The following GPHN variants were observed in gnomAD, a reference collection of about 807,000 sequenced individuals.
GPHN encodes gephyrin.
GPHN carries 17 observed loss-of-function variants against 95.5 expected under a neutral mutation model. The observed-to-expected ratio is 0.18, with a 90% CI of 0.12 to 0.27. GPHN has a LOEUF of 0.27. Among genes scored for constraint, GPHN ranks in the 10% least tolerant of loss-of-function variants. The pLI is 1.00. For missense variants in GPHN, 660 were observed against 978.1 expected (o/e 0.67, Z 4.34); for synonymous variants, 320 against 322.5 (o/e 0.99, Z 0.08).
At chr14:66,732,797 G>T (rs1312575302) in intron 2 of GPHN, among the ~76,000 whole-genome samples, 1 of 152,214 alleles carries the variant, frequency 6.6e-6, no homozygotes, top group African/African-American at 2.4e-5. Flanking sequence ...TTACAGGAAT[G>T]AGCCACCGCA....
At chr14:67,398,755 A>G in the GPHN span, among the ~76,000 whole-genome samples, 4 of 152,082 alleles carry the variant, frequency 2.6e-5, no homozygotes, top group Admixed American at 6.6e-5. Flanking sequence ...ACGAGGTCTC[A>G]CTATACTCCC....
chr14:67,276,532 T>C, the GPHN span, among the ~76,000 whole-genome samples: 1 of 152,192 alleles, frequency 6.6e-6, no homozygotes, highest in Non-Finnish European at 1.5e-5. Context: ...TGAACAGATA[T>C]TTATTGGACA....
At chr14:67,557,290 G>T in the GPHN span, 2 of 1,613,784 alleles carry the variant, frequency 1.2e-6, no homozygotes, top group African/African-American at 2.7e-5. Flanking sequence ...GGAAGAGAAG[G>T]TAAAACTATC....
At chr14:67,007,625 G>A (rs2153614216) in intron 9 of GPHN, among the ~76,000 whole-genome samples, 1 of 152,284 alleles carries the variant, frequency 6.6e-6, no homozygotes. Flanking sequence ...TACTATTACA[G>A]GTCAATGACA....
the GPHN span, among the ~76,000 whole-genome samples, chr14:67,565,369 G>C: frequency 6.6e-6 from 1 of 152,078 alleles, no homozygotes; most frequent in Non-Finnish European, 1.5e-5. Context: ...CCAGCCTTCT[G>C]AGCAGCTGGG....
chr14:67,284,520 G>A, the GPHN span, among the ~76,000 whole-genome samples: 1 of 113,328 alleles, frequency 8.8e-6, no homozygotes, highest in African/African-American at 3.3e-5. Flanking sequence ...TTTGAGCTTT[G>A]AGCCCAGGAG....
the GPHN span, among the ~76,000 whole-genome samples, chr14:67,461,912 C>T: frequency 7.8e-4 from 119 of 152,284 alleles, no homozygotes; most frequent in African/African-American, 2.8e-3. Context: ...TGAAGAGGGC[C>T]GGGCGAGGTT....
the GPHN span, among the ~76,000 whole-genome samples, chr14:67,346,608 C>T: frequency 6.6e-6 from 1 of 152,186 alleles, no homozygotes; most frequent in South Asian, 2.1e-4. Context: ...AGCCACTGTG[C>T]CTGGCCAAGA....
At chr14:67,659,641 G>T in the GPHN span, 1 of 1,326,086 alleles carries the variant, frequency 7.5e-7, no homozygotes. Flanking sequence ...AGTATACACT[G>T]ATAACATGAA....
chr14:67,168,393 T>C (rs760902274), intron 20 of GPHN, among the ~76,000 whole-genome samples: 11 of 152,196 alleles, frequency 7.2e-5, no homozygotes, highest in Middle Eastern at 3.2e-3. Flanking sequence ...ATGAATTCAA[T>C]CCATAACAGT....
At chr14:66,834,429 C>T (rs1171794841) in intron 4 of GPHN, among the ~76,000 whole-genome samples, 11 of 152,096 alleles carry the variant, frequency 7.2e-5, no homozygotes, top group Admixed American at 2.0e-4. Context: ...AAATATGTCC[C>T]ATCAATACCT....
the GPHN span, among the ~76,000 whole-genome samples, chr14:67,319,749 G>C: frequency 6.6e-6 from 1 of 152,220 alleles, no homozygotes. Context: ...TGAACTATAG[G>C]AAAGTATTCC....
the GPHN span, among the ~76,000 whole-genome samples, chr14:67,699,208 G>A: frequency 4.6e-5 from 7 of 151,486 alleles, no homozygotes; most frequent in Non-Finnish European, 7.4e-5. Flanking sequence ...AGCCAAGTTC[G>A]CGCCATTGCA....
chr14:66,542,505 CATT>C (rs2059388896), intron 1 of GPHN, among the ~76,000 whole-genome samples: 1 of 152,128 alleles, frequency 6.6e-6, no homozygotes, highest in African/African-American at 2.4e-5. Flanking sequence ...TCTTTCTACC[CATT>C]ATTCTTTACT....
At chr14:67,057,483 G>C (rs1456129393) in intron 10 of GPHN, among the ~76,000 whole-genome samples, 1 of 151,772 alleles carries the variant, frequency 6.6e-6, no homozygotes, top group Non-Finnish European at 1.5e-5. Context: ...AAGAATAGCT[G>C]GGCCTAATAC....
chr14:66,581,740 T>C (rs56141030), intron 1 of GPHN, among the ~76,000 whole-genome samples: 8,274 of 151,524 alleles, frequency 0.055, 313 homozygotes, highest in Non-Finnish European at 0.087. Context: ...AAAGCAGGAG[T>C]AGCTATACTT....
At chr14:67,041,722 G>A (rs1175752137) in intron 10 of GPHN, among the ~76,000 whole-genome samples, 2 of 152,106 alleles carry the variant, frequency 1.3e-5, no homozygotes, top group Non-Finnish European at 2.9e-5. Flanking sequence ...TAATCCTTTG[G>A]ATATATGCCC....
rs186855528 is a variant in GPHN at position 66,949,350 on chromosome 14, G to T, written c.829-15841G>T. Among the ~76,000 whole-genome samples, 11 of 152,206 alleles carry T rather than the reference G, an allele frequency of 7.2e-5. No individual in the cohort carries two copies. In the East Asian group the frequency reaches 2.1e-3, roughly 29 times the overall value. On this transcript the variant is annotated intron_variant, in intron 8 of 22. Coordinates refer to ENST00000478722, the MANE Select transcript of GPHN (RefSeq NM_020806.5). ...CCTGACCTCATGATCTGCCTGCCTT[G>T]ACCTCCCAAAGTACTGGGATTATAG...
At chr14:67,313,329 G>A in the GPHN span, among the ~76,000 whole-genome samples, 1 of 152,154 alleles carries the variant, frequency 6.6e-6, no homozygotes, top group East Asian at 1.9e-4. Context: ...TGTGCCATTA[G>A]GTGATTTCAT....
Sources: allele counts gnomAD v4.1 joint callset (sites outside exome capture counted in the v4.1 genomes callset), GRCh38; gene constraint gnomAD v4.1.1; transcripts MANE v1.5; gene names NCBI Gene and HGNC (gene_info 2026-07-23, HGNC 2026-07-21).